The following USP45 variants were observed in gnomAD, a reference collection of about 807,000 sequenced individuals.
The protein encoded by USP45 is ubiquitin specific peptidase 45, also known as ubiquitin carboxyl-terminal hydrolase 45.
Under a neutral mutation model 95.8 loss-of-function variants are expected in USP45, and 89 were observed. The observed-to-expected ratio is 0.93, with a 90% CI of 0.78 to 1.11. The LOEUF is 1.11. Among genes scored for constraint, USP45 ranks in the 50% least tolerant of loss-of-function variants. USP45 has a pLI of 0.00. For missense variants in USP45, 898 were observed against 942.5 expected (o/e 0.95, Z 0.62); for synonymous variants, 281 against 316.2 (o/e 0.89, Z 1.18).
At chr6:99,499,648 C>T (rs1796987232) in intron 5 of USP45, among the ~76,000 whole-genome samples, 1 of 152,176 alleles carries the variant, frequency 6.6e-6, no homozygotes, top group African/African-American at 2.4e-5. Context: ...CCCTCTCAAA[C>T]TACCTCAAAA....
intron 13 of USP45, among the ~76,000 whole-genome samples, chr6:99,450,053 T>C (rs564593931): frequency 8.9e-4 from 136 of 152,028 alleles, no homozygotes; most frequent in African/African-American, 3.2e-3. Flanking sequence ...AAATTTATAG[T>C]ACTAAATGCC....
chr6:99,477,952 T>C (rs547903721), intron 8 of USP45, among the ~76,000 whole-genome samples: 17 of 152,266 alleles, frequency 1.1e-4, no homozygotes, highest in African/African-American at 4.1e-4. Flanking sequence ...ACCCTATACT[T>C]ATGCTGTATA....
rs1325918878 is a variant in USP45 at position 99,510,239 on chromosome 6, A to C, written c.-10-9T>G. The C allele has an allele frequency of 3.2e-6, 5 of 1,586,594 alleles. No individual in the cohort carries two copies. The East Asian group carries it at 1.1e-4, about 36-fold the overall frequency. ...CCCGCATCTGTTATTTACTGAAGGG[A>C]TTGAGGGAAAAAAATTCATACATTT... On this transcript the variant is annotated splice_polypyrimidine_tract_variant and intron_variant, in intron 1 of 17. Transcript: ENST00000500704.
intron 10 of USP45, among the ~76,000 whole-genome samples, chr6:99,467,703 C>T (rs1367565084): frequency 6.6e-6 from 1 of 151,908 alleles, no homozygotes; most frequent in Non-Finnish European, 1.5e-5. Flanking sequence ...TAAACATCCA[C>T]GAGATGGCAC....
intron 13 of USP45, among the ~76,000 whole-genome samples, chr6:99,458,267 C>T (rs1258992977): frequency 2.0e-5 from 3 of 152,192 alleles, no homozygotes; most frequent in Admixed American, 2.0e-4. Context: ...GATCTGCCTG[C>T]CTCGGCCTCC....
rs769051200 is a variant in USP45, at chr6:99,468,518, T to C, written c.1015+19A>G. 3 of 1,516,064 alleles carry C rather than the reference T, an allele frequency of 2.0e-6. No homozygotes were observed. The highest frequency in any genetic ancestry group is 1.8e-6 in the Non-Finnish European group (2 of 1,111,462). 93.9% of individuals were successfully genotyped at this position (1,516,064 alleles called of 1,614,324 possible). ...AATATTTTCTTAAAGAAAAAAGTTT[T>C]AACAAAGAGTCAACATACCTTTGAC... On this transcript the variant is annotated intron_variant, in intron 10 of 17. Coordinates refer to ENST00000500704, the MANE Select transcript of USP45 (RefSeq NM_001346022.3).
intron 13 of USP45, among the ~76,000 whole-genome samples, chr6:99,459,820 T>C (rs892677811): frequency 6.6e-6 from 1 of 152,098 alleles, no homozygotes; most frequent in Non-Finnish European, 1.5e-5. Flanking sequence ...ATTTTTGTAT[T>C]TTAGAAATAT....
chr6:99,489,685 G>A (rs1453958679), intron 5 of USP45, among the ~76,000 whole-genome samples: 2 of 152,136 alleles, frequency 1.3e-5, no homozygotes, highest in African/African-American at 4.8e-5. Flanking sequence ...GGTGCCTCAG[G>A]CCTGTAATCC....
chr6:99,497,471 T>C (rs772404396), intron 5 of USP45, among the ~76,000 whole-genome samples: 14 of 152,202 alleles, frequency 9.2e-5, no homozygotes, highest in Non-Finnish European at 1.9e-4. Context: ...AGAGACAACT[T>C]GGTGCCCCAC....
At chr6:99,493,511 T>A (rs1273915783) in intron 5 of USP45, among the ~76,000 whole-genome samples, 1 of 152,130 alleles carries the variant, frequency 6.6e-6, no homozygotes, top group Non-Finnish European at 1.5e-5. Flanking sequence ...TATGTATGTA[T>A]TTTGAGACGG....
In USP45 at chr6:99,446,185, C is replaced by T; in HGVS notation, c.1587G>A (p.Gln529=). The T allele has an allele frequency of 6.2e-7, 1 of 1,614,164 alleles. No individual in the cohort carries two copies. Among genetic ancestry groups the T allele is most frequent in the Admixed American group, 1.7e-5 (1 of 60,004 alleles). ...ACAGAGGGTAAAGGGGTCCATCTGGCTGCACACCGGATCCACTACTGGATC... is the reference window on the plus strand; with the variant it reads ...ACAGAGGGTAAAGGGGTCCATCTGGTTGCACACCGGATCCACTACTGGATC... ...LFRSSSGSGV[Q]PDGPLYPLSA... Residue 529 remains glutamine (Q), a synonymous_variant, in exon 14 of 18, where the codon CAG becomes CAA. Coordinates refer to ENST00000500704, the MANE Select transcript of USP45 (RefSeq NM_001346022.3).
chr6:99,504,189 G>A (rs559555004), intron 4 of USP45, among the ~76,000 whole-genome samples: 28 of 152,280 alleles, frequency 1.8e-4, no homozygotes, highest in African/African-American at 6.3e-4. Flanking sequence ...TTCCCAGGCT[G>A]GAGTGCAGCT....
intron 13 of USP45, chr6:99,460,706 A>G: frequency 1.2e-6 from 1 of 831,548 alleles, no homozygotes; most frequent in African/African-American, 1.8e-5. Flanking sequence ...AAATAATAGA[A>G]AGATTGAAAT....
At chr6:99,488,022 C>A (rs921540950) in intron 7 of USP45, among the ~76,000 whole-genome samples, 178 bp downstream of exon 7, 1 of 152,082 alleles carries the variant, frequency 6.6e-6, no homozygotes, top group African/African-American at 2.4e-5. Context: ...CCATAACATA[C>A]CTTAAAGTTA....
At chr6:99,472,229 T>TG (rs1466068718) in intron 9 of USP45, among the ~76,000 whole-genome samples, 2 of 151,408 alleles carry the variant, frequency 1.3e-5, no homozygotes, top group African/African-American at 4.9e-5. Flanking sequence ...TAATTTTTTT[T>TG]TTTTTTGAGA....
At chr6:99,501,873 T>C in intron 5 of USP45, 2 of 1,228,618 alleles carry the variant, frequency 1.6e-6, no homozygotes, top group South Asian at 1.5e-5. Flanking sequence ...ATCCTCGGAA[T>C]TTCCAGAGCG....
chr6:99,516,300 T>G (rs1398561213), upstream of USP45, among the ~76,000 whole-genome samples: 1 of 152,238 alleles, frequency 6.6e-6, no homozygotes, highest in Admixed American at 6.5e-5. Flanking sequence ...TTTGAAAATA[T>G]TTTGTTTCAA....
intron 13 of USP45, among the ~76,000 whole-genome samples, chr6:99,458,487 G>A (rs1785593285): frequency 6.6e-6 from 1 of 152,206 alleles, no homozygotes. Flanking sequence ...AGTATGGTGA[G>A]ACATAAGTTC....
At chr6:99,448,924 G>C (rs1783176938) in intron 13 of USP45, among the ~76,000 whole-genome samples, 1 of 152,132 alleles carries the variant, frequency 6.6e-6, no homozygotes, top group Non-Finnish European at 1.5e-5. Flanking sequence ...GCCAAACTAA[G>C]CTTCATAAGT....
Sources: allele counts gnomAD v4.1 joint callset (sites outside exome capture counted in the v4.1 genomes callset), GRCh38; gene constraint gnomAD v4.1.1; transcripts MANE v1.5; gene names NCBI Gene and HGNC (gene_info 2026-07-23, HGNC 2026-07-21).